FOXP1: variants seen among roughly 807,000 people sequenced by gnomAD.
FOXP1 encodes the protein forkhead box P1.
FOXP1 carries 15 observed loss-of-function variants against 98.2 expected under a neutral mutation model. The ratio of observed to expected loss-of-function variants is 0.15; its 90% CI spans 0.10 to 0.24. The LOEUF (loss-of-function observed/expected upper bound fraction) is 0.24. Ranked by LOEUF, FOXP1 falls within the 10% of genes least tolerant of loss-of-function variation. The pLI, the probability that FOXP1 is intolerant of heterozygous loss-of-function variation, is 1.00. For synonymous variants in FOXP1, 371 were observed against 314.5 expected, an observed-to-expected ratio of 1.18 and a Z score of -1.90; for missense variants, 633 against 848.5, an observed-to-expected ratio of 0.75 and a Z score of 3.15.
At chr3:71,564,376 T>A (rs1310787389) in intron 2 of FOXP1, among the ~76,000 whole-genome samples, 1 of 152,258 alleles carries the variant, frequency 6.6e-6, no homozygotes, top group Non-Finnish European at 1.5e-5. Flanking sequence ...GCACCCTGTG[T>A]CACATTCCAC....
intron 11 of FOXP1, among the ~76,000 whole-genome samples, chr3:71,027,951 T>G (rs2046348551): frequency 6.6e-6 from 1 of 152,112 alleles, no homozygotes; most frequent in Non-Finnish European, 1.5e-5. Context: ...ATTCTCTAGT[T>G]GGGGAGACAG....
intron 3 of FOXP1, among the ~76,000 whole-genome samples, chr3:71,483,418 C>T (rs1460646362): frequency 6.6e-6 from 1 of 152,152 alleles, no homozygotes; most frequent in Non-Finnish European, 1.5e-5. Context: ...GGCCGGTCCT[C>T]GCCACTACTT....
At chr3:71,560,348 T>A (rs564929737) in intron 2 of FOXP1, among the ~76,000 whole-genome samples, 1 of 152,220 alleles carries the variant, frequency 6.6e-6, no homozygotes, top group Non-Finnish European at 1.5e-5. Flanking sequence ...CAACCAGGTA[T>A]GGCACTGGAA....
intron 2 of FOXP1, among the ~76,000 whole-genome samples, chr3:71,523,848 T>C (rs903625284): frequency 1.3e-5 from 2 of 152,176 alleles, no homozygotes; most frequent in Non-Finnish European, 2.9e-5. Flanking sequence ...ACCCCCATTT[T>C]ATAATTCTGC....
intron 3 of FOXP1, among the ~76,000 whole-genome samples, chr3:71,434,224 G>A (rs964037275): frequency 1.3e-5 from 2 of 152,166 alleles, no homozygotes; most frequent in African/African-American, 2.4e-5. Context: ...TGTGTTACAT[G>A]CCAAGTGAAA....
intron 7 of FOXP1, among the ~76,000 whole-genome samples, chr3:71,094,472 T>C (rs2056263551): frequency 6.6e-6 from 1 of 152,050 alleles, no homozygotes. Flanking sequence ...TCATGAAATA[T>C]TATTCGTCTT....
At chr3:71,434,631 G>GGTGTGTGT (rs55643841) in intron 3 of FOXP1, among the ~76,000 whole-genome samples, 7,031 of 142,252 alleles carry the variant, frequency 0.049, 252 homozygotes, top group African/African-American at 0.084. Context: ...GAGGGGATGG[G>GGTGTGTGT]GTGTGTGTGT....
chr3:71,424,773 G>T (rs1159060331), intron 3 of FOXP1, among the ~76,000 whole-genome samples: 2 of 152,200 alleles, frequency 1.3e-5, no homozygotes, highest in Non-Finnish European at 2.9e-5. Context: ...CCTATGCTGG[G>T]CTGGCTTCTG....
intron 14 of FOXP1, among the ~76,000 whole-genome samples, chr3:70,978,522 C>T (rs1436858071): frequency 1.3e-5 from 2 of 152,046 alleles, no homozygotes; most frequent in East Asian, 1.9e-4. Flanking sequence ...GCTGTTTTTA[C>T]TTGATTTTTA....
intron 3 of FOXP1, among the ~76,000 whole-genome samples, chr3:71,368,897 C>T (rs1246339522): frequency 6.6e-6 from 1 of 152,146 alleles, no homozygotes; most frequent in Non-Finnish European, 1.5e-5. Flanking sequence ...AAAACATATA[C>T]CTTATTATGT....
At chr3:71,081,550 C>T (rs2107525303) in intron 7 of FOXP1, among the ~76,000 whole-genome samples, 1 of 152,186 alleles carries the variant, frequency 6.6e-6, no homozygotes, top group South Asian at 2.1e-4. Flanking sequence ...TTCACGCCAC[C>T]AGACAAGGAA....
Position 71,418,116 on chromosome 3 carries a change from GGTGTGTGT to G in FOXP1, c.-167-58880_-167-58873del, listed in dbSNP as rs60973104. ...CACAGTGAAATTCTGTGTGCTTGTG[GGTGTGTGT>G]GTGTGTGTGTGTGTGTGTGTGTGTT... On this transcript the variant is annotated intron_variant, in intron 3 of 20. Transcript: ENST00000649528. Among the ~76,000 whole-genome samples, 619 of 147,472 alleles carry G rather than the reference GGTGTGTGT, an allele frequency of 4.2e-3. 3 individuals carry two copies. The highest frequency in any genetic ancestry group is 0.012 in the African/African-American group (466 of 40,138).
chr3:71,064,877 CGCGGGCCGGGCGTGGGGTCCGG>C lies in FOXP1; in HGVS notation c.283-11126_283-11105del, dbSNP rs1400899316. 5.3e-6 allele frequency: 5 copies of C among 949,638 alleles called. No homozygotes were observed. In the African/African-American group the frequency reaches 7.2e-5, roughly 14 times the overall value. The allele number at this position is 949,638 out of a possible 1,614,324, so 58.8% of individuals were successfully genotyped here. A position where few individuals can be genotyped will look rare whatever the true frequency, so the allele number is the denominator to read the frequency against. On this transcript the variant is annotated intron_variant, in intron 7 of 20. Transcript: ENST00000649528. ...CGCGGAGCCGGGCTCGGGGCGCCCG[CGCGGGCCGGGCGTGGGGTCCGG>C]CGGCCTCGGCGTGCAGGCGGACTGC...
At chr3:71,578,699 G>T (rs985830312) in intron 2 of FOXP1, among the ~76,000 whole-genome samples, 29 of 152,052 alleles carry the variant, frequency 1.9e-4, no homozygotes, top group African/African-American at 6.8e-4. Context: ...AAATATATTT[G>T]AAAAATATCA....
At chr3:71,324,992 C>T (rs2075601351) in intron 4 of FOXP1, among the ~76,000 whole-genome samples, 2 of 151,984 alleles carry the variant, frequency 1.3e-5, no homozygotes, top group South Asian at 2.1e-4. Flanking sequence ...GTGGACCCAG[C>T]GCTGCTCTAC....
intron 5 of FOXP1, among the ~76,000 whole-genome samples, chr3:71,269,024 T>C (rs909077246): frequency 6.6e-6 from 1 of 151,892 alleles, no homozygotes; most frequent in African/African-American, 2.4e-5. Context: ...AGATAGAAAC[T>C]TCACTCTGCA....
intron 3 of FOXP1, among the ~76,000 whole-genome samples, chr3:71,463,194 C>A (rs961543438): frequency 2.6e-5 from 4 of 151,910 alleles, no homozygotes; most frequent in African/African-American, 9.7e-5. Context: ...GAAACCCCGA[C>A]TCTACTAAAA....
intron 11 of FOXP1, among the ~76,000 whole-genome samples, chr3:71,027,069 T>G (rs1440009257): frequency 6.6e-6 from 1 of 152,216 alleles, no homozygotes; most frequent in Non-Finnish European, 1.5e-5. Context: ...AACAGAATGC[T>G]TTCCAAAAAG....
chr3:71,107,837 C>A (rs2057567667), intron 7 of FOXP1, among the ~76,000 whole-genome samples: 1 of 152,124 alleles, frequency 6.6e-6, no homozygotes, highest in African/African-American at 2.4e-5. Flanking sequence ...CAAAATGCTG[C>A]CTAAAGCATG....
Sources: allele counts gnomAD v4.1 joint callset (sites outside exome capture counted in the v4.1 genomes callset), GRCh38; gene constraint gnomAD v4.1.1; transcripts MANE v1.5; gene names NCBI Gene and HGNC (gene_info 2026-07-23, HGNC 2026-07-21).